Variants in NRF1 observed in about 807,000 individuals in gnomAD.
NRF1 encodes alpha palindromic-binding protein.
Under a neutral mutation model 58.5 loss-of-function variants are expected in NRF1, and 5 were observed. That is an observed-to-expected ratio of 0.09 (90% CI 0.04 to 0.18). The LOEUF is 0.18. Ranked by LOEUF, NRF1 falls within the 10% of genes least tolerant of loss-of-function variation. The probability of loss-of-function intolerance (pLI) is 1.00; values close to 1 mark genes in which losing one functional copy is unlikely to be tolerated. For synonymous variants in NRF1, 224 were observed against 246.7 expected (o/e 0.91, Z 0.86); for missense variants, 288 against 657.7 (o/e 0.44, Z 6.15).
At chr7:129,723,031 A>T (rs980596615) in intron 9 of NRF1, among the ~76,000 whole-genome samples, 1 of 152,248 alleles carries the variant, frequency 6.6e-6, no homozygotes, top group African/African-American at 2.4e-5. Context: ...CTTTCCATAA[A>T]GTCTCAGGTC....
intron 10 of NRF1, among the ~76,000 whole-genome samples, chr7:129,751,067 A>G (rs528620932): frequency 1.3e-5 from 2 of 152,320 alleles, no homozygotes; most frequent in South Asian, 4.1e-4. Flanking sequence ...CGCTGTCTCC[A>G]AGGAGCCTGT....
intron 10 of NRF1, among the ~76,000 whole-genome samples, chr7:129,738,243 A>G (rs1803765255): frequency 6.6e-6 from 1 of 152,228 alleles, no homozygotes; most frequent in South Asian, 2.1e-4. Flanking sequence ...CTAGACCTGA[A>G]AAGATTCCTT....
chr7:129,733,615 G>A (rs979685188), intron 10 of NRF1, among the ~76,000 whole-genome samples: 1 of 152,172 alleles, frequency 6.6e-6, no homozygotes, highest in African/African-American at 2.4e-5. Flanking sequence ...GGGTTATAGG[G>A]AGTTTTCATC....
In NRF1 at chr7:129,717,510, G is replaced by A. The variant is rs985984382; in HGVS notation, c.1223+134G>A. On this transcript the variant is annotated intron_variant, in intron 9 of 10. Coordinates refer to ENST00000393232, the MANE Select transcript of NRF1 (RefSeq NM_005011.5). Reference sequence around the variant, plus strand: ...GGAACTTAACACTCTTGGCCCATACGATATTGTAGTTTGGCCTATAATAGG... The same window carrying A: ...GGAACTTAACACTCTTGGCCCATACAATATTGTAGTTTGGCCTATAATAGG... 94 of 968,574 alleles carry A rather than the reference G, an allele frequency of 9.7e-5. No homozygotes were observed. The African/African-American group carries it at 1.4e-3, about 14-fold the overall frequency. 60.0% of individuals were successfully genotyped at this position (968,574 alleles called of 1,614,324 possible). A position where few individuals can be genotyped will look rare whatever the true frequency, so the allele number is the denominator to read the frequency against.
chr7:129,619,486 GTGTGTATATATATA>G (rs1275951255), intron 1 of NRF1, among the ~76,000 whole-genome samples: 24 of 32,326 alleles, frequency 7.4e-4, no homozygotes, highest in South Asian at 3.6e-3. Context: ...GTGTGTGTGT[GTGTGTATATATATA>G]TATATATATA....
At chr7:129,738,955 A>T (rs1803785883) in intron 10 of NRF1, among the ~76,000 whole-genome samples, 1 of 152,206 alleles carries the variant, frequency 6.6e-6, no homozygotes, top group African/African-American at 2.4e-5. Context: ...AATGAAAATC[A>T]TGGCCTTTAT....
chr7:129,700,365 C>T (rs535427064), intron 5 of NRF1, among the ~76,000 whole-genome samples: 1 of 152,234 alleles, frequency 6.6e-6, no homozygotes, highest in South Asian at 2.1e-4. Flanking sequence ...AATCCTAGTG[C>T]CCCGGCCACA....
intron 1 of NRF1, among the ~76,000 whole-genome samples, chr7:129,646,913 G>C (rs950975532): frequency 1.4e-4 from 22 of 152,252 alleles, no homozygotes; most frequent in African/African-American, 5.3e-4. Context: ...CCTGGGTGTA[G>C]CTTTAGTTAT....
At chr7:129,618,545 A>G (rs995571752) in intron 1 of NRF1, among the ~76,000 whole-genome samples, 6 of 152,140 alleles carry the variant, frequency 3.9e-5, no homozygotes, top group African/African-American at 7.2e-5. Context: ...AATTTAAAAA[A>G]TTTGTCAGGT....
At chr7:129,658,577 T>C (rs1164151578) in intron 2 of NRF1, among the ~76,000 whole-genome samples, 2 of 143,156 alleles carry the variant, frequency 1.4e-5, no homozygotes, top group Non-Finnish European at 3.0e-5. Flanking sequence ...AGTGACAGAG[T>C]GAGAGCCTGT....
At chr7:129,651,228 C>T (rs1009856260) in intron 1 of NRF1, among the ~76,000 whole-genome samples, 2 of 151,956 alleles carry the variant, frequency 1.3e-5, no homozygotes, top group African/African-American at 2.4e-5. Context: ...TTGAGACCAG[C>T]CTGGCTGATA....
At position 129,755,252 on chromosome 7, in the gene NRF1, C is replaced by A; in HGVS notation, c.*71C>A. ...TTTTACACGTTTGCAGAGGTGCAAT[C>A]AAATGGAATTAAGTCTCTCGACTTT... On this transcript the variant is annotated 3_prime_UTR_variant, in exon 11 of 11. Coordinates refer to ENST00000393232, the MANE Select transcript of NRF1 (RefSeq NM_005011.5). This position sits in a 1 kb window ranked among gnomAD's most constrained non-coding sequence, Gnocchi z 5.8. The A allele has an allele frequency of 7.7e-7, 1 of 1,292,308 alleles. No individual in the cohort carries two copies. Among genetic ancestry groups the A allele is most frequent in the South Asian group, 1.9e-5 (1 of 53,376 alleles). 80.1% of individuals were successfully genotyped at this position (1,292,308 alleles called of 1,614,324 possible).
intron 1 of NRF1, among the ~76,000 whole-genome samples, chr7:129,635,386 G>T (rs1801146519): frequency 6.6e-6 from 1 of 152,052 alleles, no homozygotes; most frequent in African/African-American, 2.4e-5. Context: ...TTGTTTGTTT[G>T]TTTTTTAAGC....
intron 1 of NRF1, among the ~76,000 whole-genome samples, chr7:129,656,047 A>G (rs1164348884): frequency 1.3e-5 from 2 of 152,162 alleles, no homozygotes; most frequent in African/African-American, 2.4e-5. Context: ...GCTGTTGCGA[A>G]TAAAGCTGCT....
At chr7:129,708,203 G>T (rs972229083) in intron 5 of NRF1, among the ~76,000 whole-genome samples, 2 of 152,174 alleles carry the variant, frequency 1.3e-5, no homozygotes, top group Non-Finnish European at 2.9e-5. Flanking sequence ...AGGAGGAATA[G>T]ATCATAAATT....
At chr7:129,698,060 C>T (rs1225638293) in intron 5 of NRF1, among the ~76,000 whole-genome samples, 1 of 152,050 alleles carries the variant, frequency 6.6e-6, no homozygotes, top group East Asian at 1.9e-4. Context: ...GAATTTTTTA[C>T]TTGCCCCAAA....
chr7:129,738,388 T>C (rs1803771128), intron 10 of NRF1, among the ~76,000 whole-genome samples: 1 of 152,236 alleles, frequency 6.6e-6, no homozygotes, highest in African/African-American at 2.4e-5. Flanking sequence ...TGCAGCACCT[T>C]GGGACAGCAG....
At chr7:129,735,261 G>A (rs946830379) in intron 10 of NRF1, 4 of 984,942 alleles carry the variant, frequency 4.1e-6, no homozygotes, top group East Asian at 2.3e-4. Flanking sequence ...GCTGGGTGCG[G>A]TGGCTCACGC....
At chr7:129,644,811 C>T (rs1801368524) in intron 1 of NRF1, among the ~76,000 whole-genome samples, 1 of 152,116 alleles carries the variant, frequency 6.6e-6, no homozygotes, top group South Asian at 2.1e-4. Flanking sequence ...TTTTCCTTTG[C>T]TTGTGGCACC....
Sources: allele counts gnomAD v4.1 joint callset (sites outside exome capture counted in the v4.1 genomes callset), GRCh38; gene constraint gnomAD v4.1.1; non-coding constraint Gnocchi (gnomAD v3.1); transcripts MANE v1.5; gene names NCBI Gene and HGNC (gene_info 2026-07-23, HGNC 2026-07-21).